MADD: variants seen among roughly 807,000 people sequenced by gnomAD.
MADD encodes MAP kinase activating death domain, also known as MAP kinase-activating death domain protein.
In MADD, 109 loss-of-function variants were observed where a neutral mutation model predicts 176.7. The ratio of observed to expected loss-of-function variants is 0.62; its 90% CI spans 0.53 to 0.72. The LOEUF (loss-of-function observed/expected upper bound fraction) is 0.72. MADD is among the 30% of genes least tolerant of loss of function. MADD has a pLI of 0.00. For synonymous variants in MADD, 771 were observed against 771.3 expected (o/e 1.00, Z 0.01); for missense variants, 1,914 against 2,045.5 (o/e 0.94, Z 1.24).
chr11:47,296,291 C>G (rs1275299668), intron 22 of MADD, among the ~76,000 whole-genome samples: 1 of 152,126 alleles, frequency 6.6e-6, no homozygotes, highest in Non-Finnish European at 1.5e-5. Context: ...AGGCTCCGTG[C>G]CCAGTCACGT....
chr11:47,289,120 G>T, intron 15 of MADD, 93 bp downstream of exon 16: 1 of 1,284,426 alleles, frequency 7.8e-7, no homozygotes, highest in Non-Finnish European at 1.1e-6. Context: ...GGAGCAAGCA[G>T]CGTCACATGA....
At chr11:47,282,755 C>T in intron 9 of MADD, 58 bp from the exon 10 acceptor site, 26 of 1,599,962 alleles carry the variant, frequency 1.6e-5, no homozygotes, top group African/African-American at 2.7e-5. Flanking sequence ...TTCTTTCAGG[C>T]GTTGCTTGCC....
intron 20 of MADD, 37 bp downstream of exon 22, chr11:47,294,020 A>G: frequency 6.8e-7 from 1 of 1,465,976 alleles, no homozygotes. Flanking sequence ...CAAGTATTAA[A>G]TATGCTGTCT....
chr11:47,279,540 G>A (rs1325607001), intron 7 of MADD, among the ~76,000 whole-genome samples: 2 of 151,712 alleles, frequency 1.3e-5, no homozygotes, highest in South Asian at 2.1e-4. Flanking sequence ...CGCCACACCC[G>A]GCTAATTTTT....
At chr11:47,317,802 T>G (rs192993941) in intron 27 of MADD, among the ~76,000 whole-genome samples, 11 of 151,552 alleles carry the variant, frequency 7.3e-5, no homozygotes, top group Non-Finnish European at 1.3e-4. Context: ...ACAGAGTCTC[T>G]CTCTATCGCC....
chr11:47,275,173 C>G lies in MADD; in HGVS notation c.659+14C>G. On this transcript the variant is annotated intron_variant, in intron 3 of 32. Transcript: ENST00000402192. ...AGGCGTACAAAGGTACAGTTTGCTG[C>G]TGATGCCTAATGGGGGAAGCATTTA... is the stretch of plus-strand genomic sequence containing the variant. 6.3e-7 allele frequency: 1 copy of G among 1,597,916 alleles called. No homozygotes were observed. The highest frequency in any genetic ancestry group is 8.5e-7 in the Non-Finnish European group (1 of 1,171,368).
At chr11:47,283,218 C>T (rs1404583811) in intron 10 of MADD, among the ~76,000 whole-genome samples, 1 of 152,134 alleles carries the variant, frequency 6.6e-6, no homozygotes, top group Admixed American at 6.5e-5. Flanking sequence ...CTCAGCCTCC[C>T]GAGTAGCTGG....
intron 13 of MADD, 78 bp downstream of exon 13, chr11:47,285,272 A>G: frequency 1.3e-6 from 2 of 1,570,242 alleles, no homozygotes; most frequent in Non-Finnish European, 1.7e-6. Flanking sequence ...GGTTAATCAG[A>G]AAGTCTGAGA....
exon 3 of MADD, chr11:47,274,845 G>A (rs2048280924): frequency 1.2e-6 from 2 of 1,614,230 alleles, no homozygotes; most frequent in Non-Finnish European, 1.7e-6. Flanking sequence ...GTGGGGCAGG[G>A]TCCCGTGGGA....
chr11:47,282,567 G>A, exon 9 of MADD: 1 of 1,614,186 alleles, frequency 6.2e-7, no homozygotes, highest in Non-Finnish European at 8.5e-7. Context: ...AGTACTTTGG[G>A]GAATGGATCC....
At chr11:47,318,724 T>C (rs989189665) in intron 27 of MADD, among the ~76,000 whole-genome samples, 1 of 151,864 alleles carries the variant, frequency 6.6e-6, no homozygotes, top group East Asian at 1.9e-4. Context: ...TGTGAGGCTA[T>C]TTGATTTAGC....
At chr11:47,290,218 T>C in exon 18 of MADD, 1 of 1,614,108 alleles carries the variant, frequency 6.2e-7, no homozygotes, top group Non-Finnish European at 8.5e-7. Context: ...CTTGGAGCAG[T>C]CCTATGCCCA....
At position 47,306,937 on chromosome 11, in the gene MADD, A is replaced by T. The variant is rs539819026; in HGVS notation, c.3643-1654A>T. 1.9e-4 allele frequency among the ~76,000 whole-genome samples: 29 copies of T among 152,236 alleles called. No homozygotes were observed. The South Asian group carries it at 4.1e-3, about 22-fold the overall frequency. ...GGTCTTGCTCTGGTGCCCAGACTGCAGTGCAGGGTGCAGTCATGGCTTGGT... is the reference window on the plus strand; with the variant it reads ...GGTCTTGCTCTGGTGCCCAGACTGCTGTGCAGGGTGCAGTCATGGCTTGGT... On this transcript the variant is annotated intron_variant, in intron 22 of 32. Transcript: ENST00000402192.
intron 19 of MADD, among the ~76,000 whole-genome samples, chr11:47,293,243 G>C (rs2066987571): frequency 6.6e-6 from 1 of 151,950 alleles, no homozygotes; most frequent in Non-Finnish European, 1.5e-5. Context: ...TCAGGTACCA[G>C]TGAAGCTCAG....
At position 47,289,916 on chromosome 11, in the gene MADD, C is replaced by T; in HGVS notation, c.2806C>T (p.Gln936Ter). ...GGTGGTGCACAGCGTGCTGGACGGC[C>T]AGGGAGTTGGCTGGCTCAACATGAA... The change falls in exon 17 of 33, where the codon CAG becomes TAG. Residue 936 changes from glutamine to a stop codon, truncating the protein, a stop_gained. Transcript: ENST00000402192. LOFTEE classifies it high-confidence loss of function. 1 of 1,614,086 alleles carries T rather than the reference C, an allele frequency of 6.2e-7. No homozygotes were observed. The highest frequency in any genetic ancestry group is 8.5e-7 in the Non-Finnish European group (1 of 1,180,014).
At chr11:47,301,028 C>CT (rs796793022) in intron 22 of MADD, among the ~76,000 whole-genome samples, 2,039 of 111,582 alleles carry the variant, frequency 0.018, 39 homozygotes, top group African/African-American at 0.054. Context: ...CACTCTCTCT[C>CT]TTTTTTTTTT....
intron 25 of MADD, among the ~76,000 whole-genome samples, chr11:47,310,134 G>A (rs988430325): frequency 1.3e-5 from 2 of 149,202 alleles, no homozygotes; most frequent in Admixed American, 6.7e-5. Flanking sequence ...GAGCCAGTGC[G>A]CCCGACCAAG....
chr11:47,275,146 C>G, exon 3 of MADD: 1 of 1,612,982 alleles, frequency 6.2e-7, no homozygotes, highest in Non-Finnish European at 8.5e-7. Context: ...GGGCATCCCT[C>G]GAGGCGTACA....
chr11:47,329,484 G>A (rs1018728589), exon 33 of MADD: 3 of 270,660 alleles, frequency 1.1e-5, no homozygotes, highest in African/African-American at 2.2e-5. Context: ...CGTTATAACT[G>A]TCCACTGCAA....
Sources: gnomAD v4.1 joint callset for allele counts (sites outside exome capture counted in the v4.1 genomes callset) on GRCh38, gnomAD v4.1.1 for gene constraint, MANE v1.5 for transcripts, NCBI Gene and HGNC (gene_info 2026-07-23, HGNC 2026-07-21) for gene names.